The following IQCB1 variants were observed in gnomAD, a reference collection of about 807,000 sequenced individuals.
IQCB1 encodes the protein IQ motif containing B1.
A neutral mutation model predicts 84.4 loss-of-function variants in IQCB1; 56 were observed. The ratio of observed to expected loss-of-function variants is 0.66; its 90% CI spans 0.54 to 0.83. The LOEUF is 0.83. Among genes scored for constraint, IQCB1 ranks in the 40% least tolerant of loss-of-function variants. The probability of loss-of-function intolerance (pLI) is 0.00; values close to 1 mark genes in which losing one functional copy is unlikely to be tolerated. For synonymous variants in IQCB1, 210 were observed against 234.8 expected (o/e 0.89, Z 0.96); for missense variants, 629 against 682.1 (o/e 0.92, Z 0.87).
intron 7 of IQCB1, among the ~76,000 whole-genome samples, chr3:121,804,949 G>A (rs1949550978): frequency 6.6e-6 from 1 of 152,086 alleles, no homozygotes; most frequent in African/African-American, 2.4e-5. Context: ...ACGCCTTAAA[G>A]TTCACTAATC....
At chr3:121,790,713 C>G (rs549907899) in intron 10 of IQCB1, among the ~76,000 whole-genome samples, 3 of 151,930 alleles carry the variant, frequency 2.0e-5, no homozygotes, top group Non-Finnish European at 4.4e-5. Flanking sequence ...GATCTAATGT[C>G]AGGTAAAAGG....
intron 11 of IQCB1, 127 bp downstream of exon 11, chr3:121,789,946 T>C (rs1160713105): frequency 1.5e-5 from 12 of 792,648 alleles, no homozygotes; most frequent in Non-Finnish European, 2.4e-5. Context: ...ATAAAGTTTA[T>C]CTGAAAAACA....
intron 5 of IQCB1, among the ~76,000 whole-genome samples, chr3:121,816,651 CAT>C (rs749151067): frequency 3.3e-4 from 50 of 152,116 alleles, no homozygotes; most frequent in Non-Finnish European, 5.9e-4. Flanking sequence ...GGCCAACAAA[CAT>C]ATGAAAAAAA....
At chr3:121,818,782 T>C (rs1333139110) in intron 5 of IQCB1, among the ~76,000 whole-genome samples, 1 of 152,136 alleles carries the variant, frequency 6.6e-6, no homozygotes, top group Non-Finnish European at 1.5e-5. Context: ...GAAAGGCACC[T>C]AGAATCAGTG....
At chr3:121,823,961 C>T (rs983025858) in intron 5 of IQCB1, among the ~76,000 whole-genome samples, 6 of 151,986 alleles carry the variant, frequency 3.9e-5, no homozygotes, top group African/African-American at 1.4e-4. Context: ...TTAAAAATAG[C>T]AAAATGGTAG....
chr3:121,795,972 T>C (rs1321443153), intron 9 of IQCB1, among the ~76,000 whole-genome samples: 7 of 152,176 alleles, frequency 4.6e-5, no homozygotes, highest in African/African-American at 1.4e-4. Flanking sequence ...CTGTAAGCTT[T>C]TGATATGCTA....
chr3:121,824,831 A>G lies in IQCB1; in HGVS notation c.393+1220T>C, dbSNP rs1419271292. Among the ~76,000 whole-genome samples, 6 of 152,266 alleles carry G rather than the reference A, an allele frequency of 3.9e-5. No individual in the cohort carries two copies. In the East Asian group the frequency reaches 1.2e-3, roughly 29 times the overall value. On this transcript the variant is annotated intron_variant, in intron 5 of 14. Coordinates refer to ENST00000310864, the MANE Select transcript of IQCB1 (RefSeq NM_001023570.4). The stretch of plus-strand genomic sequence containing the variant: ...GTAGAACTGTAGACAAGAAAAAAAA[A>G]AGAGAATTTAGAAGACTTCAACAAC...
chr3:121,770,566 T>G lies in IQCB1; in HGVS notation c.1576A>C (p.Ser526Arg), dbSNP rs1390983530. 2.5e-6 allele frequency: 4 copies of G among 1,612,330 alleles called. No homozygotes were observed. The African/African-American group carries it at 5.3e-5, about 22-fold the overall frequency. ...TCTTTCCCTTCTGCCTCCTTCAGAC[T>G]TGGTGCCTCTGTAGTGGACAGAAAA... ...TNVEQLMKAP[S>R]LKEAEGKEPE... Residue 526 changes from serine to arginine, a missense_variant, in exon 15 of 15, where the codon AGT (serine) becomes CGT (arginine). Physicochemically the swap from Ser to Arg is moderately radical, Grantham distance 110. Coordinates refer to ENST00000310864, the MANE Select transcript of IQCB1 (RefSeq NM_001023570.4).
At chr3:121,827,523 C>G (rs968276406) in intron 4 of IQCB1, among the ~76,000 whole-genome samples, 1 of 152,042 alleles carries the variant, frequency 6.6e-6, no homozygotes, top group African/African-American at 2.4e-5. Context: ...GAGAGCCTGG[C>G]TTAATCAATA....
At chr3:121,813,851 T>A (rs987958728) in intron 5 of IQCB1, among the ~76,000 whole-genome samples, 1 of 152,122 alleles carries the variant, frequency 6.6e-6, no homozygotes, top group South Asian at 2.1e-4. Context: ...ACTGTCAATA[T>A]TAGACAGATC....
chr3:121,805,276 C>T (rs1275501387), intron 7 of IQCB1, among the ~76,000 whole-genome samples: 1 of 151,974 alleles, frequency 6.6e-6, no homozygotes, highest in Non-Finnish European at 1.5e-5. Context: ...TATCATGTAT[C>T]AGTACTGCAA....
chr3:121,785,181 T>C (rs1391345657), intron 12 of IQCB1, among the ~76,000 whole-genome samples: 1 of 152,090 alleles, frequency 6.6e-6, no homozygotes, highest in Non-Finnish European at 1.5e-5. Flanking sequence ...TTTCTTTTCC[T>C]GCCAAGGACA....
chr3:121,775,792 G>C (rs1336539819), intron 13 of IQCB1, among the ~76,000 whole-genome samples: 2 of 151,952 alleles, frequency 1.3e-5, no homozygotes, highest in Non-Finnish European at 2.9e-5. Context: ...AACAAATATT[G>C]AAAGGGTACA....
At chr3:121,785,391 A>T (rs752889439) in intron 12 of IQCB1, among the ~76,000 whole-genome samples, 8 of 151,948 alleles carry the variant, frequency 5.3e-5, no homozygotes, top group Non-Finnish European at 7.4e-5. Flanking sequence ...AGTAGCTGGG[A>T]CTACCAGTAC....
chr3:121,820,908 T>A (rs1033276099), intron 5 of IQCB1, among the ~76,000 whole-genome samples: 3 of 137,928 alleles, frequency 2.2e-5, no homozygotes, highest in Non-Finnish European at 4.7e-5. Flanking sequence ...TCCAGCATAC[T>A]CTTATGTCTC....
rs777435955 is a variant in IQCB1 at position 121,799,169 on chromosome 3, CAAGAA to C, written c.766+22_766+26del. On this transcript the variant is annotated intron_variant, in intron 8 of 14. Coordinates refer to ENST00000310864, the MANE Select transcript of IQCB1 (RefSeq NM_001023570.4). ...ATAAAAATTTTCTTTTTGAGAATCC[CAAGAA>C]AAGAAAGAATGAATGTACTACCTTT... 5.0e-5 allele frequency: 79 copies of C among 1,572,236 alleles called. 1 individual carries two copies. The highest frequency in any genetic ancestry group is 4.2e-4 in the African/African-American group (31 of 73,672).
chr3:121,778,835 G>A (rs1437646429), intron 13 of IQCB1, among the ~76,000 whole-genome samples: 6 of 151,402 alleles, frequency 4.0e-5, no homozygotes, highest in African/African-American at 1.5e-4. Flanking sequence ...GAACCCGGGA[G>A]GCGGCAGTTG....
At chr3:121,784,840 C>T (rs1281411586) in intron 12 of IQCB1, among the ~76,000 whole-genome samples, 1 of 152,014 alleles carries the variant, frequency 6.6e-6, no homozygotes, top group Non-Finnish European at 1.5e-5. Flanking sequence ...TGCCACCAAG[C>T]CCAGCTAATT....
chr3:121,772,845 C>A (rs1400106864), intron 13 of IQCB1, 132 bp from the exon 14 acceptor site: 3 of 809,768 alleles, frequency 3.7e-6, no homozygotes, highest in Non-Finnish European at 6.3e-6. Context: ...TGATGTCTAT[C>A]TTGTACTCTT....
Sources: allele counts gnomAD v4.1 joint callset (sites outside exome capture counted in the v4.1 genomes callset), GRCh38; gene constraint gnomAD v4.1.1; transcripts MANE v1.5; gene names NCBI Gene and HGNC (gene_info 2026-07-23, HGNC 2026-07-21).